Variants in BBS4 observed in about 807,000 individuals in gnomAD.
BBS4 encodes the protein Bardet-Biedl syndrome 4.
A neutral mutation model predicts 71.4 loss-of-function variants in BBS4; 58 were observed. That is an observed-to-expected ratio of 0.81 (90% CI 0.66 to 1.01). The LOEUF is 1.01. BBS4 is among the 50% of genes least tolerant of loss of function. The pLI, the probability that BBS4 is intolerant of heterozygous loss-of-function variation, is 0.00. For synonymous variants in BBS4, 228 were observed against 216.8 expected (o/e 1.05, Z -0.46); for missense variants, 660 against 607.9 (o/e 1.09, Z -0.90).
Position 72,736,869 on chromosome 15 carries a change from C to T in BBS4, c.1356C>T (p.Thr452=), listed in dbSNP as rs748096273. Residue 452 remains threonine (T), a synonymous_variant, in exon 15 of 16, where the codon ACC becomes ACT. Coordinates refer to ENST00000268057, the MANE Select transcript of BBS4 (RefSeq NM_033028.5). The part of the protein sequence containing the change: ...DPKSKHQTTS[T]SKPASFQQPL... Reference sequence around the variant, plus strand: ...AATCAAAGCACCAGACCACTTCAACCAGCAAACCTGCCAGTTTCCAGCAGC... The same window carrying T: ...AATCAAAGCACCAGACCACTTCAACTAGCAAACCTGCCAGTTTCCAGCAGC... 9 of 1,614,070 alleles carry T rather than the reference C, an allele frequency of 5.6e-6. No individual in the cohort carries two copies. The highest frequency in any genetic ancestry group is 3.3e-5 in the Admixed American group (2 of 59,996).
At chr15:72,710,461 A>G (rs1457891635) in intron 3 of BBS4, among the ~76,000 whole-genome samples, 1 of 151,996 alleles carries the variant, frequency 6.6e-6, no homozygotes, top group Non-Finnish European at 1.5e-5. Context: ...TGGCCTCCCA[A>G]AGTGCTGGGA....
chr15:72,708,233 T>C (rs550158359), intron 2 of BBS4, among the ~76,000 whole-genome samples: 3 of 152,348 alleles, frequency 2.0e-5, no homozygotes, highest in Admixed American at 6.5e-5. Flanking sequence ...CCCAAAGTGC[T>C]GGGATTACAG....
chr15:72,715,450 G>A (rs1381780727), intron 5 of BBS4, 48 bp downstream of exon 5: 1 of 1,317,604 alleles, frequency 7.6e-7, no homozygotes, highest in Admixed American at 1.7e-5. Context: ...AGAGAACAGT[G>A]TAAAATGCAT....
intron 8 of BBS4, among the ~76,000 whole-genome samples, chr15:72,727,398 G>C (rs185654814): frequency 8.4e-4 from 128 of 152,280 alleles, no homozygotes; most frequent in African/African-American, 2.9e-3. Context: ...AAGGTCAGTA[G>C]CACCTTCTTT....
At position 72,731,666 on chromosome 15, in the gene BBS4, T is replaced by C. The variant is rs113122357; in HGVS notation, c.976T>C (p.Phe326Leu). ...GCAGCAGTATGCATCAGCTTTTCAT[T>C]TTCTCAGTGCGGCCATCAACTTCCA... is the stretch of plus-strand genomic sequence containing the variant. ...TMQQYASAFH[F>L]LSAAINFQPK... The change falls in exon 12 of 16, where the codon TTT becomes CTT. Residue 326 changes from phenylalanine to leucine, a missense_variant. Physicochemically the swap from Phe to Leu is conservative, Grantham distance 22 (BLOSUM62 0). Coordinates refer to ENST00000268057, the MANE Select transcript of BBS4 (RefSeq NM_033028.5). The C allele has an allele frequency of 6.2e-6, 10 of 1,614,086 alleles. No individual in the cohort carries two copies. Among genetic ancestry groups the C allele is most frequent in the Non-Finnish European group, 7.6e-6 (9 of 1,180,054 alleles).
intron 8 of BBS4, among the ~76,000 whole-genome samples, chr15:72,727,443 A>T (rs984263629): frequency 5.3e-5 from 8 of 151,538 alleles, no homozygotes; most frequent in Non-Finnish European, 4.4e-5. Flanking sequence ...TCTTTTGTTT[A>T]GTTTGGCTAC....
chr15:72,700,353 A>G (rs947962479), intron 2 of BBS4, among the ~76,000 whole-genome samples: 3 of 152,216 alleles, frequency 2.0e-5, no homozygotes, highest in Admixed American at 6.5e-5. Flanking sequence ...TTTTAACTTT[A>G]TAATAAACTG....
At chr15:72,699,156 T>C (rs112181312) in intron 2 of BBS4, among the ~76,000 whole-genome samples, 1 of 152,136 alleles carries the variant, frequency 6.6e-6, no homozygotes, top group Non-Finnish European at 1.5e-5. Flanking sequence ...TTTTTTTTTT[T>C]TTCCACTGCA....
intron 15 of BBS4, 78 bp downstream of exon 15, chr15:72,737,041 G>A: frequency 6.6e-7 from 1 of 1,513,194 alleles, no homozygotes; most frequent in South Asian, 1.1e-5. Context: ...ATAGCTTTCA[G>A]TGAGGTTCTC....
chr15:72,715,509 T>TG (rs2065453462), intron 5 of BBS4, 107 bp downstream of exon 5: 5 of 799,046 alleles, frequency 6.3e-6, no homozygotes, highest in Non-Finnish European at 1.1e-5. Context: ...GATACACAAG[T>TG]GGGGGAATGG....
chr15:72,719,952 T>C (rs1183711260), intron 6 of BBS4, among the ~76,000 whole-genome samples: 2 of 151,954 alleles, frequency 1.3e-5, no homozygotes, highest in African/African-American at 4.8e-5. Context: ...GGTTTCACCA[T>C]GTTGGTCAGG....
At chr15:72,706,733 G>A (rs1251510177) in intron 2 of BBS4, among the ~76,000 whole-genome samples, 9 of 152,124 alleles carry the variant, frequency 5.9e-5, no homozygotes, top group Admixed American at 5.2e-4. Flanking sequence ...CTTGTTCCTG[G>A]CATGTAAAGT....
chr15:72,709,557 C>T, intron 2 of BBS4, 143 bp from the exon 3 acceptor site: 1 of 687,758 alleles, frequency 1.5e-6, no homozygotes, highest in Non-Finnish European at 2.6e-6. Flanking sequence ...TTTTGATGCA[C>T]TATAATATAT....
intron 12 of BBS4, 68 bp downstream of exon 12, chr15:72,731,794 A>G: frequency 6.3e-7 from 1 of 1,586,076 alleles, no homozygotes; most frequent in South Asian, 1.1e-5. Context: ...TTAGAATCAT[A>G]GAAGATCAGT....
At chr15:72,735,391 T>C in intron 13 of BBS4, 1 of 595,364 alleles carries the variant, frequency 1.7e-6, no homozygotes, top group East Asian at 3.0e-5. Flanking sequence ...TTTCCAGTCC[T>C]AAACTGAGTA....
At chr15:72,688,321 G>A (rs569972117) in intron 1 of BBS4, among the ~76,000 whole-genome samples, 135 of 150,214 alleles carry the variant, frequency 9.0e-4, no homozygotes, top group African/African-American at 3.2e-3. Flanking sequence ...TTTATTGCTA[G>A]TAGTGTTACG....
intron 2 of BBS4, among the ~76,000 whole-genome samples, chr15:72,699,889 T>C (rs1268675569): frequency 6.6e-6 from 1 of 152,230 alleles, no homozygotes; most frequent in Non-Finnish European, 1.5e-5. Flanking sequence ...CATTCTCCTG[T>C]TAATGAGTAT....
chr15:72,716,824 G>A lies in BBS4; in HGVS notation c.379G>A (p.Ala127Thr), dbSNP rs530223854. Residue 127 changes from alanine to threonine, a missense_variant, in exon 6 of 16, where the codon GCA (alanine) becomes ACA (threonine). Transcript: ENST00000268057. The part of the protein sequence containing the change: ...HKAAIEVYNE[A>T]AKLNQKDWEI... ...AGCTGCCATTGAAGTATATAATGAA[G>A]CAGCTAAACTCAACCAGAAAGATTG... 16 of 1,610,606 alleles carry A rather than the reference G, an allele frequency of 9.9e-6. No individual in the cohort carries two copies. In the African/African-American group the frequency reaches 2.0e-4, roughly 20 times the overall value.
chr15:72,699,796 C>T (rs1000022944), intron 2 of BBS4, among the ~76,000 whole-genome samples: 2 of 152,144 alleles, frequency 1.3e-5, no homozygotes, highest in Admixed American at 1.3e-4. Flanking sequence ...GGAGATTCAT[C>T]CGTGTTGTTA....
Sources: allele counts gnomAD v4.1 joint callset (sites outside exome capture counted in the v4.1 genomes callset), GRCh38; gene constraint gnomAD v4.1.1; transcripts MANE v1.5; gene names NCBI Gene and HGNC (gene_info 2026-07-23, HGNC 2026-07-21).